INTS1: variants seen among roughly 807,000 people sequenced by gnomAD.
INTS1 encodes integrator complex subunit 1.
Under a neutral mutation model 241.6 loss-of-function variants are expected in INTS1, and 137 were observed. The observed-to-expected ratio is 0.57, with a 90% CI of 0.49 to 0.65. INTS1 has a LOEUF of 0.65. Ranked by LOEUF, INTS1 falls within the 30% of genes least tolerant of loss-of-function variation. The pLI is 0.00. For missense variants in INTS1, 3,073 were observed against 3,032.2 expected (o/e 1.01, Z -0.32); for synonymous variants, 1,692 against 1,337.8 (o/e 1.26, Z -5.78).
At position 1,497,541 on chromosome 7, in the gene INTS1, T is replaced by C. The variant is rs927287334; in HGVS notation, c.1426-227A>G. On this transcript the variant is annotated intron_variant, in intron 10 of 47. Coordinates refer to ENST00000404767, the MANE Select transcript of INTS1 (RefSeq NM_001080453.3). The surrounding 1 kb of genome is among the most constrained non-coding windows in gnomAD (Gnocchi z 5.3). ...GAACCGGCAGGTGGGGAGTCGGTCCTCGTGAAATGAGGAGGATTAATTAAC... is the reference window on the plus strand; with the variant it reads ...GAACCGGCAGGTGGGGAGTCGGTCCCCGTGAAATGAGGAGGATTAATTAAC... Among the ~76,000 whole-genome samples, 1 of 152,070 alleles carries C rather than the reference T, an allele frequency of 6.6e-6. No homozygotes were observed. The highest frequency in any genetic ancestry group is 1.5e-5 in the Non-Finnish European group (1 of 68,010).
intron 16 of INTS1, among the ~76,000 whole-genome samples, chr7:1,491,109 A>C (rs367998602): frequency 1.6e-4 from 25 of 152,358 alleles, no homozygotes; most frequent in Middle Eastern, 3.4e-3. Flanking sequence ...ACTGATCACC[A>C]AACTATAACA....
At chr7:1,488,037 G>A in intron 18 of INTS1, 80 bp from the exon 19 acceptor site, 6 of 1,464,988 alleles carry the variant, frequency 4.1e-6, no homozygotes, top group South Asian at 3.5e-5. Context: ...GGGTCAAGGA[G>A]GGTAAAACCC....
At position 1,485,219 on chromosome 7, in the gene INTS1, T is replaced by G. The variant is rs748152792; in HGVS notation, c.3157-17A>C. 1.9e-6 allele frequency: 3 copies of G among 1,599,228 alleles called. No individual in the cohort carries two copies. The highest frequency in any genetic ancestry group is 2.5e-6 in the Non-Finnish European group (3 of 1,178,804). On this transcript the variant is annotated splice_polypyrimidine_tract_variant and intron_variant, in intron 23 of 47. Transcript: ENST00000404767. ...GTGGATTGCCTGGAGGGGAGGGTGG[T>G]CTGAGCGGCAACAGGGCAGGGCTGC...
In INTS1 at chr7:1,487,343, GAA is replaced by G; in HGVS notation, c.2621_2622del (p.Phe874SerfsTer90). 6.2e-7 allele frequency: 1 copy of G among 1,604,514 alleles called. No homozygotes were observed. Among genetic ancestry groups the G allele is most frequent in the South Asian group, 1.1e-5 (1 of 89,334 alleles). ...ACCTGCCGCTGGATGATGTGGAGGA[GAA>G]AGTCAGGGTTTCGGCTGCGGCACAA... ...HLLCRSRNPD[F>X]LLHIIQRQAS... On this transcript the variant is annotated frameshift_variant, in exon 20 of 48. Coordinates refer to ENST00000404767, the MANE Select transcript of INTS1 (RefSeq NM_001080453.3). LOFTEE classifies it high-confidence loss of function.
chr7:1,493,211 G>GGGGGGGGGGGGT lies in INTS1; in HGVS notation c.2069-106_2069-105insACCCCCCCCCCC. ...CGGGCCGCGTCGGGGTGGGGTGGGG[G>GGGGGGGGGGGGT]ATGCCGCAGGGTGGGGCGCAGGCCT... On this transcript the variant is annotated intron_variant, in intron 15 of 47. Transcript: ENST00000404767. The surrounding 1 kb of genome is among the most constrained non-coding windows in gnomAD (Gnocchi z 5.3). 1.5e-6 allele frequency: 1 copy of GGGGGGGGGGGGT among 646,108 alleles called. No homozygotes were observed. The highest frequency in any genetic ancestry group is 2.7e-6 in the Non-Finnish European group (1 of 373,056). The allele number at this position is 646,108 out of a possible 1,614,324, so 40.0% of individuals were successfully genotyped here.
intron 8 of INTS1, 46 bp from the exon 9 acceptor site, chr7:1,498,898 G>A (rs758865795): frequency 9.0e-6 from 14 of 1,554,764 alleles, no homozygotes; most frequent in Admixed American, 1.9e-5. Flanking sequence ...CACCCCGGCA[G>A]GAAGACCACG....
At chr7:1,495,038 G>T in intron 13 of INTS1, 145 bp from the exon 14 acceptor site, 1 of 931,566 alleles carries the variant, frequency 1.1e-6, no homozygotes, top group Non-Finnish European at 1.6e-6. Flanking sequence ...CCTCCTCACA[G>T]CACCACCAAA....
intron 41 of INTS1, 117 bp from the exon 42 acceptor site, chr7:1,473,810 T>G: frequency 7.7e-7 from 1 of 1,305,686 alleles, no homozygotes; most frequent in Non-Finnish European, 1.1e-6. Context: ...ACGAGCCCCC[T>G]CTGCCAACCA....
At position 1,470,582 on chromosome 7, in the gene INTS1, T is replaced by A. The variant is rs769280475; in HGVS notation, c.6568A>T (p.Met2190Leu). The A allele has an allele frequency of 1.7e-5, 27 of 1,560,476 alleles. No individual in the cohort carries two copies. Among genetic ancestry groups the A allele is most frequent in the Middle Eastern group, 3.3e-4 (2 of 5,976 alleles). ...ALRILHMEAV[M>L] ...GGGGGTCGGCTGCCACAGGCTCACA[T>A]CACGGCCTCCATATGCAGGATCCTC... Residue 2190 changes from methionine to leucine, a missense_variant, in exon 48 of 48, where the codon ATG becomes TTG. By Grantham distance (15) the Met-to-Leu change is conservative. Transcript: ENST00000404767.
intron 12 of INTS1, 126 bp from the exon 13 acceptor site, chr7:1,495,679 G>T: frequency 8.0e-7 from 1 of 1,249,324 alleles, no homozygotes; most frequent in Non-Finnish European, 1.1e-6. Flanking sequence ...CCAGCTTCTG[G>T]ACGATTCCCA....
In INTS1 at chr7:1,478,467, AAGGCC is replaced by A. The variant is rs1246482406; in HGVS notation, c.4524_4528del (p.Ala1509ProfsTer68). 1 of 1,612,248 alleles carries A rather than the reference AAGGCC, an allele frequency of 6.2e-7. No homozygotes were observed. Among genetic ancestry groups the A allele is most frequent in the Non-Finnish European group, 8.5e-7 (1 of 1,179,718 alleles). On this transcript the variant is annotated frameshift_variant, in exon 33 of 48. Transcript: ENST00000404767. LOFTEE classifies it high-confidence loss of function. Reference sequence around the variant, plus strand: ...GCTGACCACCTCCAGGTCCTGACGGAAGGCCAGGGCCTCGGCCAGGCGCAGGAGCC... The same window carrying A: ...GCTGACCACCTCCAGGTCCTGACGGAAGGGCCTCGGCCAGGCGCAGGAGCC...
chr7:1,498,947 C>CGGGGGG, intron 8 of INTS1, 28 bp downstream of exon 8: 3 of 1,339,442 alleles, frequency 2.2e-6, no homozygotes, highest in Non-Finnish European at 3.1e-6. Flanking sequence ...CCCCCTGCCC[C>CGGGGGG]GCCCACCCCC....
rs771356764 is a variant in INTS1 at position 1,487,976 on chromosome 7, G to C, written c.2319-19C>G. ...GTAGTTGCTAGGGCCAGACGGGGGA[G>C]CGTGTCACCCTGCCCCCCATGAAGG... On this transcript the variant is annotated intron_variant, in intron 18 of 47. Transcript: ENST00000404767. 6.2e-7 allele frequency: 1 copy of C among 1,611,754 alleles called. No homozygotes were observed. The highest frequency in any genetic ancestry group is 8.5e-7 in the Non-Finnish European group (1 of 1,178,886).
In INTS1 at chr7:1,499,638, T is replaced by A; in HGVS notation, c.685-6A>T. 6.3e-7 allele frequency: 1 copy of A among 1,592,378 alleles called. No individual in the cohort carries two copies. The highest frequency in any genetic ancestry group is 8.6e-7 in the Non-Finnish European group (1 of 1,164,512). ...AGGGAGTCCTCGATGTACACCTGTG[T>A]GGCAGCCACACCCTCAGCCCCGAGC... On this transcript the variant is annotated splice_polypyrimidine_tract_variant and splice_region_variant and intron_variant, in intron 5 of 47. Transcript: ENST00000404767.
At chr7:1,473,320 C>T (rs936198489) in intron 42 of INTS1, 136 bp from the exon 43 acceptor site, 84 of 416,154 alleles carry the variant, frequency 2.0e-4, no homozygotes, top group Non-Finnish European at 3.3e-4. Context: ...GAGGGAGGGC[C>T]GGGCGGGGAA....
In INTS1 at chr7:1,499,529, G is replaced by T. The variant is rs773204094; in HGVS notation, c.788C>A (p.Pro263His). The change falls in exon 6 of 48, where the codon CCC becomes CAC. Residue 263 changes from proline to histidine, a missense_variant. By Grantham distance (77) the Pro-to-His change is moderately conservative. Coordinates refer to ENST00000404767, the MANE Select transcript of INTS1 (RefSeq NM_001080453.3). ...IQTAFNTRMP[P>H]RSVLLQGEAG... ...CTCCCCCTGCAGCAGCACGCTCCTG[G>T]GGGGCATTCTGGTGTTGAAGGCCGT... is the stretch of plus-strand genomic sequence containing the variant. The T allele has an allele frequency of 1.7e-5, 27 of 1,612,758 alleles. No homozygotes were observed. The highest frequency in any genetic ancestry group is 4.0e-5 in the African/African-American group (3 of 74,916).
intron 26 of INTS1, chr7:1,483,492 C>T: frequency 1.8e-6 from 1 of 564,396 alleles, no homozygotes; most frequent in Non-Finnish European, 3.2e-6. Context: ...TGTACCAGGC[C>T]CTCCAGCTCA....
Position 1,493,213 on chromosome 7 carries a change from T to TG in INTS1, c.2069-108dup. ...GGCCGCGTCGGGGTGGGGTGGGGGATGCCGCAGGGTGGGGCGCAGGCCTGA... is the reference window on the plus strand; with the variant it reads ...GGCCGCGTCGGGGTGGGGTGGGGGATGGCCGCAGGGTGGGGCGCAGGCCTGA... On this transcript the variant is annotated intron_variant, in intron 15 of 47. Coordinates refer to ENST00000404767, the MANE Select transcript of INTS1 (RefSeq NM_001080453.3). This position sits in a 1 kb window ranked among gnomAD's most constrained non-coding sequence, Gnocchi z 5.3. The TG allele has an allele frequency of 1.8e-6, 1 of 559,134 alleles. No homozygotes were observed. The highest frequency in any genetic ancestry group is 3.2e-6 in the Non-Finnish European group (1 of 313,776). The allele number at this position is 559,134 out of a possible 1,614,324, so 34.6% of individuals were successfully genotyped here. A position where few individuals can be genotyped will look rare whatever the true frequency, so the allele number is the denominator to read the frequency against.
rs776508980 is a variant in INTS1 at position 1,475,820 on chromosome 7, G to T, written c.5502+128C>A. The T allele has an allele frequency of 1.1e-5, 13 of 1,181,106 alleles. No homozygotes were observed. The East Asian group carries it at 2.8e-4, about 26-fold the overall frequency. 73.2% of individuals were successfully genotyped at this position (1,181,106 alleles called of 1,614,324 possible). On this transcript the variant is annotated intron_variant, in intron 39 of 47. Transcript: ENST00000404767. ...AGACAAACCCACAGGGCCACAGGGCGGCGCGGACTGGGAAGGGGCAAGAGG... is the reference window on the plus strand; with the variant it reads ...AGACAAACCCACAGGGCCACAGGGCTGCGCGGACTGGGAAGGGGCAAGAGG...
Sources: gnomAD v4.1 joint callset for allele counts (sites outside exome capture counted in the v4.1 genomes callset) on GRCh38, gnomAD v4.1.1 for gene constraint, Gnocchi (gnomAD v3.1) non-coding constraint, MANE v1.5 for transcripts, NCBI Gene and HGNC (gene_info 2026-07-23, HGNC 2026-07-21) for gene names.